The following AGPAT4 variants were observed in gnomAD, a reference collection of about 807,000 sequenced individuals.
AGPAT4 encodes the protein 1-acylglycerol-3-phosphate O-acyltransferase 4.
In AGPAT4, 15 loss-of-function variants were observed where a neutral mutation model predicts 48.0. That is an observed-to-expected ratio of 0.31 (90% CI 0.21 to 0.48). The LOEUF is 0.48. Ranked by LOEUF, AGPAT4 falls within the 20% of genes least tolerant of loss-of-function variation. The pLI is 0.99. For missense variants in AGPAT4, 314 were observed against 482.5 expected (o/e 0.65, Z 3.27); for synonymous variants, 178 against 198.7 (o/e 0.90, Z 0.88).
chr6:161,136,683 G>C, intron 8 of AGPAT4, 49 bp from the exon 9 acceptor site: 1 of 1,539,012 alleles, frequency 6.5e-7, no homozygotes, highest in Non-Finnish European at 9.0e-7. Flanking sequence ...ACAGACTACA[G>C]GGCCGTTTTC....
At position 161,131,049 on chromosome 6, in the gene AGPAT4, T is replaced by TGTTAA. The variant is rs1243371323; in HGVS notation, c.*5490_*5491insTTAAC. On this transcript the variant is annotated 3_prime_UTR_variant, in exon 9 of 9. Transcript: ENST00000320285. ...TTATTATGCAGCAATCTTAACTTTG[T>TGTTAA]GTACATACCACTCACCTCCCTTAAA... 2.8e-6 allele frequency: 1 copy of TGTTAA among 352,630 alleles called. No homozygotes were observed. 21.8% of individuals were successfully genotyped at this position (352,630 alleles called of 1,614,324 possible).
At chr6:161,185,721 T>C (rs998370256) in intron 2 of AGPAT4, among the ~76,000 whole-genome samples, 19 of 152,178 alleles carry the variant, frequency 1.2e-4, no homozygotes, top group Non-Finnish European at 8.8e-5. Context: ...GCAATGATCA[T>C]CACGGCAGAG....
chr6:161,153,279 C>T, intron 5 of AGPAT4, 67 bp downstream of exon 5: 3 of 1,536,418 alleles, frequency 2.0e-6, no homozygotes, highest in Non-Finnish European at 2.6e-6. Flanking sequence ...AAGCTCTGCC[C>T]ATCCGGAGCT....
intron 2 of AGPAT4, among the ~76,000 whole-genome samples, chr6:161,207,561 T>C (rs1781409334): frequency 6.6e-6 from 1 of 152,248 alleles, no homozygotes. Flanking sequence ...TCTCTATAGC[T>C]GGAGCCCTAG....
rs1166206628 is a variant in AGPAT4, at chr6:161,166,140, A to G, written c.348+108T>C. ...ATTAGGACCATTTCATCAAGTAGAA[A>G]CTCTGTTGATTCTTCTGCAAGTTCT... On this transcript the variant is annotated intron_variant, in intron 3 of 8. Coordinates refer to ENST00000320285, the MANE Select transcript of AGPAT4 (RefSeq NM_020133.3). The surrounding 1 kb of genome is among the most constrained non-coding windows in gnomAD (Gnocchi z 6.7). 2 of 1,420,610 alleles carry G rather than the reference A, an allele frequency of 1.4e-6. No individual in the cohort carries two copies. The highest frequency in any genetic ancestry group is 1.9e-6 in the Non-Finnish European group (2 of 1,037,820). The allele number at this position is 1,420,610 out of a possible 1,614,324, so 88.0% of individuals were successfully genotyped here.
rs944893844 is a variant in AGPAT4 at position 161,245,734 on chromosome 6, C to A, written c.-89-13432G>T. Among the ~76,000 whole-genome samples, 2 of 152,098 alleles carry A rather than the reference C, an allele frequency of 1.3e-5. No individual in the cohort carries two copies. The highest frequency in any genetic ancestry group is 2.4e-5 in the African/African-American group (1 of 41,416). ...CCTCAATCCTTGAGTTCTTGGAGAT[C>A]CTGTCATTGCCAATCCTAGTTTCTG... On this transcript the variant is annotated intron_variant, in intron 1 of 8. Transcript: ENST00000320285. The surrounding 1 kb of genome is among the most constrained non-coding windows in gnomAD (Gnocchi z 5.2).
chr6:161,166,232 T>C lies in AGPAT4; in HGVS notation c.348+16A>G, dbSNP rs760913660. ...GAGAAATGTGTGAGGCAGGGGGGAA[T>C]GCACTTCTGACTTACCCCTAACAGC... On this transcript the variant is annotated intron_variant, in intron 3 of 8. Transcript: ENST00000320285. The surrounding 1 kb of genome is among the most constrained non-coding windows in gnomAD (Gnocchi z 6.7). 7 of 1,612,636 alleles carry C rather than the reference T, an allele frequency of 4.3e-6. No homozygotes were observed. Among genetic ancestry groups the C allele is most frequent in the Non-Finnish European group, 5.9e-6 (7 of 1,179,272 alleles).
chr6:161,161,890 C>CA lies in AGPAT4; in HGVS notation c.348+4357_348+4358insT. On this transcript the variant is annotated intron_variant, in intron 3 of 8. Transcript: ENST00000320285. The surrounding 1 kb of genome is among the most constrained non-coding windows in gnomAD (Gnocchi z 4.6). ...GGCGCCCTCACGCACAGGCACTCTG[C>CA]CTAGGAGGGATAATGCCACTCTCCT... 1 of 215,054 alleles carries CA rather than the reference C, an allele frequency of 4.6e-6. No individual in the cohort carries two copies. The highest frequency in any genetic ancestry group is 9.6e-6 in the Non-Finnish European group (1 of 104,704). 13.3% of individuals were successfully genotyped at this position (215,054 alleles called of 1,614,324 possible).
At chr6:161,228,678 G>C (rs1247427546) in intron 2 of AGPAT4, among the ~76,000 whole-genome samples, 5 of 62,130 alleles carry the variant, frequency 8.0e-5, no homozygotes, top group African/African-American at 2.0e-4. Context: ...AAAAAAAAAA[G>C]CCAGTCTTGG....
At chr6:161,176,712 A>G (rs944619446) in intron 2 of AGPAT4, among the ~76,000 whole-genome samples, 1 of 152,106 alleles carries the variant, frequency 6.6e-6, no homozygotes, top group Non-Finnish European at 1.5e-5. Context: ...TTGCTCGTTA[A>G]TTGATGCAGT....
Position 161,255,032 on chromosome 6 carries a change from T to G in AGPAT4, c.-90+18906A>C, listed in dbSNP as rs1782909779. 1.3e-5 allele frequency among the ~76,000 whole-genome samples: 2 copies of G among 152,190 alleles called. No individual in the cohort carries two copies. The highest frequency in any genetic ancestry group is 4.1e-4 in the South Asian group (2 of 4,826). On this transcript the variant is annotated intron_variant, in intron 1 of 8. Coordinates refer to ENST00000320285, the MANE Select transcript of AGPAT4 (RefSeq NM_020133.3). The surrounding 1 kb of genome is among the most constrained non-coding windows in gnomAD (Gnocchi z 4.7). ...AGGCCATTGCAGAGCCAGATACGGT[T>G]ACACAGCCCTTCTGAAGCAAAGATA...
chr6:161,258,885 C>T (rs1437554352), intron 1 of AGPAT4, among the ~76,000 whole-genome samples: 1 of 151,904 alleles, frequency 6.6e-6, no homozygotes, highest in Non-Finnish European at 1.5e-5. Context: ...GCAACCCCCA[C>T]TCCCAGGTTC....
At chr6:161,203,751 G>A (rs1256162489) in intron 2 of AGPAT4, among the ~76,000 whole-genome samples, 2 of 152,218 alleles carry the variant, frequency 1.3e-5, no homozygotes, top group East Asian at 1.9e-4. Context: ...AGTTTTCTTT[G>A]TCTGGAATTT....
Position 161,251,774 on chromosome 6 carries a change from A to G in AGPAT4, c.-89-19472T>C, listed in dbSNP as rs1027603247. Among the ~76,000 whole-genome samples the G allele has an allele frequency of 1.3e-5, 2 of 152,220 alleles. No individual in the cohort carries two copies. The highest frequency in any genetic ancestry group is 2.9e-5 in the Non-Finnish European group (2 of 68,042). The stretch of plus-strand genomic sequence containing the variant: ...ACGTGCTCTTGATACACATAAGGGC[A>G]TTGATAGTTTACAAATCTACCTATA... On this transcript the variant is annotated intron_variant, in intron 1 of 8. Transcript: ENST00000320285. This position sits in a 1 kb window ranked among gnomAD's most constrained non-coding sequence, Gnocchi z 4.6.
Position 161,240,649 on chromosome 6 carries a change from G to C in AGPAT4, c.-89-8347C>G, listed in dbSNP as rs375283674. Reference sequence around the variant, plus strand: ...AGGACACAGAATCCCCAGGTACTGCGGTGCCCACAGAGGAGAGGGGAGTGG... The same window carrying C: ...AGGACACAGAATCCCCAGGTACTGCCGTGCCCACAGAGGAGAGGGGAGTGG... On this transcript the variant is annotated intron_variant, in intron 1 of 8. Coordinates refer to ENST00000320285, the MANE Select transcript of AGPAT4 (RefSeq NM_020133.3). The surrounding 1 kb of genome is among the most constrained non-coding windows in gnomAD (Gnocchi z 5.5). 6.6e-6 allele frequency among the ~76,000 whole-genome samples: 1 copy of C among 152,182 alleles called. No homozygotes were observed. Among genetic ancestry groups the C allele is most frequent in the Admixed American group, 6.5e-5 (1 of 15,276 alleles).
rs764596483 is a variant in AGPAT4, at chr6:161,136,537, GAGTC to G, written c.1136_*2del. 6.2e-7 allele frequency: 1 copy of G among 1,613,850 alleles called. No individual in the cohort carries two copies. The highest frequency in any genetic ancestry group is 8.5e-7 in the Non-Finnish European group (1 of 1,179,812). ...TCCCTTCGGATGGTGACACCTCCCT[GAGTC>G]AGTCATTCAGTTTCTGCTTGCTGTC... is the stretch of plus-strand genomic sequence containing the variant. On this transcript the variant is annotated stop_lost and 3_prime_UTR_variant, in exon 9 of 9. Transcript: ENST00000320285.
rs1779459672 is a variant in AGPAT4, at chr6:161,147,308, C to T, written c.768-709G>A. Among the ~76,000 whole-genome samples the T allele has an allele frequency of 1.3e-5, 2 of 152,154 alleles. No homozygotes were observed. Among genetic ancestry groups the T allele is most frequent in the Non-Finnish European group, 2.9e-5 (2 of 68,040 alleles). ...TTGCCACTCGATCATTTGCAAAGAGCCCATACTGAACACAGGGAGAAGTCA... is the reference window on the plus strand; with the variant it reads ...TTGCCACTCGATCATTTGCAAAGAGTCCATACTGAACACAGGGAGAAGTCA... On this transcript the variant is annotated intron_variant, in intron 6 of 8. Transcript: ENST00000320285. The surrounding 1 kb of genome is among the most constrained non-coding windows in gnomAD (Gnocchi z 4.8).
At chr6:161,271,405 C>A (rs1783419829) in intron 1 of AGPAT4, among the ~76,000 whole-genome samples, 1 of 152,212 alleles carries the variant, frequency 6.6e-6, no homozygotes. Flanking sequence ...GTGCTCTGCT[C>A]TTCTTTTCGC....
At chr6:161,209,931 T>G (rs733766) in intron 2 of AGPAT4, among the ~76,000 whole-genome samples, 1 of 151,996 alleles carries the variant, frequency 6.6e-6, no homozygotes, top group African/African-American at 2.4e-5. Flanking sequence ...TGTTTCGTTT[T>G]GTTTTGTTTT....
Sources: allele counts gnomAD v4.1 joint callset (sites outside exome capture counted in the v4.1 genomes callset), GRCh38; gene constraint gnomAD v4.1.1; non-coding constraint Gnocchi (gnomAD v3.1); transcripts MANE v1.5; gene names NCBI Gene and HGNC (gene_info 2026-07-23, HGNC 2026-07-21).